COLGALT2: variants seen among roughly 807,000 people sequenced by gnomAD.
COLGALT2 encodes the protein procollagen galactosyltransferase 2.
In COLGALT2, 49 loss-of-function variants were observed where a neutral mutation model predicts 73.4. The ratio of observed to expected loss-of-function variants is 0.67; its 90% CI spans 0.53 to 0.85. The LOEUF (loss-of-function observed/expected upper bound fraction) is 0.85. Among genes scored for constraint, COLGALT2 ranks in the 40% least tolerant of loss-of-function variants. The probability of loss-of-function intolerance (pLI) is 0.00; values close to 1 mark genes in which losing one functional copy is unlikely to be tolerated. For synonymous variants in COLGALT2, 295 were observed against 307.6 expected, an observed-to-expected ratio of 0.96 and a Z score of 0.43; for missense variants, 722 against 790.2, an observed-to-expected ratio of 0.91 and a Z score of 1.03.
intron 1 of COLGALT2, among the ~76,000 whole-genome samples, chr1:184,006,293 T>C (rs1672077742): frequency 6.6e-6 from 1 of 152,016 alleles, no homozygotes; most frequent in African/African-American, 2.4e-5. Flanking sequence ...GCTAAAAAAA[T>C]TAGAGTATGG....
At chr1:183,956,405 A>C (rs140679989) in intron 6 of COLGALT2, among the ~76,000 whole-genome samples, 1,833 of 152,268 alleles carry the variant, frequency 0.012, 16 homozygotes, top group Non-Finnish European at 0.017. Flanking sequence ...AGCCGAGAAT[A>C]TTCTGGTCCT....
At chr1:183,996,960 G>C (rs1277282100) in intron 1 of COLGALT2, among the ~76,000 whole-genome samples, 1 of 152,148 alleles carries the variant, frequency 6.6e-6, no homozygotes, top group African/African-American at 2.4e-5. Flanking sequence ...GCCTGAGTCA[G>C]GAAGGGGGTC....
chr1:183,935,793 G>A (rs1669935657), downstream of COLGALT2: 1 of 928,356 alleles, frequency 1.1e-6, no homozygotes, highest in Non-Finnish European at 1.3e-6. Flanking sequence ...TGCAGCGTTG[G>A]CCATTGATCA....
intron 1 of COLGALT2, among the ~76,000 whole-genome samples, chr1:184,006,697 G>C (rs1237142083): frequency 1.3e-5 from 2 of 152,086 alleles, no homozygotes; most frequent in Non-Finnish European, 2.9e-5. Flanking sequence ...CTTCAGAAAA[G>C]TAATAACTTA....
intron 1 of COLGALT2, among the ~76,000 whole-genome samples, chr1:184,008,912 A>C (rs1036122638): frequency 1.3e-5 from 2 of 152,204 alleles, no homozygotes; most frequent in African/African-American, 2.4e-5. Context: ...TATAGAGAGA[A>C]TGATAGAGCA....
intron 1 of COLGALT2, among the ~76,000 whole-genome samples, chr1:184,031,278 A>G (rs1649502293): frequency 6.6e-6 from 1 of 152,228 alleles, no homozygotes; most frequent in Non-Finnish European, 1.5e-5. Context: ...CACTAATAAT[A>G]CTTGAGAAAT....
chr1:183,963,961 G>A lies in COLGALT2; in HGVS notation c.892C>T (p.Pro298Ser). ...HYGYLPIPLK[P>S]HQTLQEDIEN... Reference sequence around the variant, plus strand: ...ATGTCTTCCTGCAGTGTCTGATGGGGCTTCAGGGGGATGGGCAGGTAGCCA... The same window carrying A: ...ATGTCTTCCTGCAGTGTCTGATGGGACTTCAGGGGGATGGGCAGGTAGCCA... The change falls in exon 6 of 12, where the codon CCC (proline) becomes TCC (serine). Residue 298 changes from proline to serine, a missense_variant. Pro to Ser is a moderately conservative substitution (Grantham distance 74). Coordinates refer to ENST00000361927, the MANE Select transcript of COLGALT2 (RefSeq NM_015101.4). 6.2e-7 allele frequency: 1 copy of A among 1,613,446 alleles called. No homozygotes were observed. The highest frequency in any genetic ancestry group is 8.5e-7 in the Non-Finnish European group (1 of 1,179,664).
Position 183,938,824 on chromosome 1 carries a change from C to G in COLGALT2, c.1818G>C (p.Lys606Asn), listed in dbSNP as rs761369535. 1 of 1,614,184 alleles carries G rather than the reference C, an allele frequency of 6.2e-7. No homozygotes were observed. Among genetic ancestry groups the G allele is most frequent in the Admixed American group, 1.7e-5 (1 of 60,018 alleles). Reference protein sequence around the residue: ...RKQSRIYSNAKNTEALPPPTS... With the variant: ...RKQSRIYSNANNTEALPPPTS... ...TTGGCGGTGGCAGGGCCTCTGTGTTCTTGGCATTGCTGTAGATGCGGCTTT... is the reference window on the plus strand; with the variant it reads ...TTGGCGGTGGCAGGGCCTCTGTGTTGTTGGCATTGCTGTAGATGCGGCTTT... Residue 606 changes from lysine (K) to asparagine (N), a missense_variant, in exon 12 of 12, where the codon AAG becomes AAC. Lys to Asn is a moderately conservative substitution (Grantham distance 94, BLOSUM62 0). Coordinates refer to ENST00000361927, the MANE Select transcript of COLGALT2 (RefSeq NM_015101.4).
intron 4 of COLGALT2, among the ~76,000 whole-genome samples, chr1:183,971,501 C>G (rs1553316017): frequency 6.6e-6 from 1 of 152,164 alleles, no homozygotes; most frequent in Non-Finnish European, 1.5e-5. Context: ...AAGCACAACT[C>G]ATTAAAAACA....
In COLGALT2 at chr1:183,937,851, A is replaced by T. The variant is rs1669999419; in HGVS notation, c.*910T>A. On this transcript the variant is annotated 3_prime_UTR_variant, in exon 12 of 12. Coordinates refer to ENST00000361927, the MANE Select transcript of COLGALT2 (RefSeq NM_015101.4). ...CTGTCTCTTAGCAGTGACTCACAGA[A>T]CTCACACCTGCGGTGGGTTCCCAGG... 1 of 985,350 alleles carries T rather than the reference A, an allele frequency of 1.0e-6. No homozygotes were observed. Among genetic ancestry groups the T allele is most frequent in the Admixed American group, 6.1e-5 (1 of 16,270 alleles). 61.0% of individuals were successfully genotyped at this position (985,350 alleles called of 1,614,324 possible).
At chr1:184,015,272 G>C (rs947030922) in intron 1 of COLGALT2, among the ~76,000 whole-genome samples, 2 of 152,184 alleles carry the variant, frequency 1.3e-5, no homozygotes, top group African/African-American at 4.8e-5. Flanking sequence ...GTTTGTTATA[G>C]AGGGATATTC....
At chr1:183,951,324 G>C (rs923816598) in intron 7 of COLGALT2, among the ~76,000 whole-genome samples, 2 of 152,168 alleles carry the variant, frequency 1.3e-5, no homozygotes, top group Non-Finnish European at 2.9e-5. Context: ...TCTTCGTAGT[G>C]ACTTAACTCT....
chr1:184,030,272 C>T (rs1405397413), intron 1 of COLGALT2, among the ~76,000 whole-genome samples: 1 of 152,050 alleles, frequency 6.6e-6, no homozygotes, highest in African/African-American at 2.4e-5. Context: ...ATAAAAATGT[C>T]AAAACATAGA....
chr1:184,020,533 G>C (rs1421729006), intron 1 of COLGALT2, among the ~76,000 whole-genome samples: 1 of 151,982 alleles, frequency 6.6e-6, no homozygotes, highest in Admixed American at 6.6e-5. Context: ...TCAACATCTT[G>C]ACAAGATGGC....
chr1:184,004,314 GA>G (rs763134715), intron 1 of COLGALT2, among the ~76,000 whole-genome samples: 7 of 151,606 alleles, frequency 4.6e-5, no homozygotes, highest in African/African-American at 1.7e-4. Context: ...GTAATAATAG[GA>G]AAAAAACCCA....
chr1:184,008,235 G>T (rs1672135377), intron 1 of COLGALT2, among the ~76,000 whole-genome samples: 1 of 152,188 alleles, frequency 6.6e-6, no homozygotes, highest in South Asian at 2.1e-4. Flanking sequence ...TTTTATAAAT[G>T]ACAGGCCTGT....
Position 183,937,995 on chromosome 1 carries a change from C to T in COLGALT2, c.*766G>A, listed in dbSNP as rs1670004387. ...ACATTTATCTTTATAAATAGAGCATCCTGACTCGAGTGGCCATAATAAAAA... is the reference window on the plus strand; with the variant it reads ...ACATTTATCTTTATAAATAGAGCATTCTGACTCGAGTGGCCATAATAAAAA... On this transcript the variant is annotated 3_prime_UTR_variant, in exon 12 of 12. Transcript: ENST00000361927. 1 of 985,282 alleles carries T rather than the reference C, an allele frequency of 1.0e-6. No homozygotes were observed. The highest frequency in any genetic ancestry group is 1.7e-5 in the African/African-American group (1 of 57,212). 61.0% of individuals were successfully genotyped at this position (985,282 alleles called of 1,614,324 possible). A position where few individuals can be genotyped will look rare whatever the true frequency, so the allele number is the denominator to read the frequency against.
At chr1:183,935,826 A>G (rs1021086513), downstream of COLGALT2, 2 of 984,504 alleles carry the variant, frequency 2.0e-6, no homozygotes, top group African/African-American at 1.7e-5. Flanking sequence ...GCAATTGACA[A>G]TCATATCTTT....
At chr1:183,933,897 T>C (rs1210735539), downstream of COLGALT2, among the ~76,000 whole-genome samples, 1 of 152,164 alleles carries the variant, frequency 6.6e-6, no homozygotes, top group African/African-American at 2.4e-5. Context: ...AAGGCAATCC[T>C]CAGAGACGAT....
Sources: allele counts gnomAD v4.1 joint callset (sites outside exome capture counted in the v4.1 genomes callset), GRCh38; gene constraint gnomAD v4.1.1; transcripts MANE v1.5; gene names NCBI Gene and HGNC (gene_info 2026-07-23, HGNC 2026-07-21).